Variants in GBF1 observed in about 807,000 individuals in gnomAD.
The protein encoded by GBF1 is Golgi-specific brefeldin A-resistance guanine nucleotide exchange factor 1.
GBF1 carries 114 observed loss-of-function variants against 210.5 expected under a neutral mutation model. The observed-to-expected ratio is 0.54, with a 90% CI of 0.47 to 0.63. The LOEUF is 0.63. Ranked by LOEUF, GBF1 falls within the 30% of genes least tolerant of loss-of-function variation. GBF1 has a pLI of 0.00. For synonymous variants in GBF1, 850 were observed against 889.2 expected, an observed-to-expected ratio of 0.96 and a Z score of 0.78; for missense variants, 1,851 against 2,357.7, an observed-to-expected ratio of 0.79 and a Z score of 4.45.
intron 3 of GBF1, among the ~76,000 whole-genome samples, chr10:102,299,442 G>A (rs1399908754): frequency 1.3e-5 from 2 of 152,104 alleles, no homozygotes; most frequent in African/African-American, 4.8e-5. Context: ...TAGATAATAC[G>A]CTTCCCCAAG....
Position 102,367,464 on chromosome 10 carries a change from TG to T in GBF1, c.2560-12del. 1 of 1,566,904 alleles carries T rather than the reference TG, an allele frequency of 6.4e-7. No homozygotes were observed. Among genetic ancestry groups the T allele is most frequent in the Non-Finnish European group, 8.8e-7 (1 of 1,136,874 alleles). On this transcript the variant is annotated splice_polypyrimidine_tract_variant and intron_variant, in intron 20 of 39. Transcript: ENST00000369983. ...GTTGACACAAGGGGAAAAAACTTAC[TG>T]GCCTGTCTCTAGGAGTTTCGCAAAA...
intron 3 of GBF1, among the ~76,000 whole-genome samples, chr10:102,313,738 C>G (rs1361069822): frequency 6.6e-6 from 1 of 152,150 alleles, no homozygotes; most frequent in Non-Finnish European, 1.5e-5. Context: ...ATCCTGTCCA[C>G]CTAACTAGTG....
chr10:102,377,109 A>G lies in GBF1; in HGVS notation c.4463A>G (p.Tyr1488Cys), dbSNP rs1171036930. The stretch of plus-strand genomic sequence containing the variant: ...GAGGACGAAGGCGTGCCTGCCAGCT[A>G]CCATACGGTGTCTTTACAGGTCAGT... ...DDEDEGVPAS[Y>C]HTVSLQVSQD... Residue 1488 changes from tyrosine (Y) to cysteine (C), a missense_variant, in exon 33 of 40, where the codon TAC (tyrosine) becomes TGC (cysteine). By Grantham distance (194) the Tyr-to-Cys change is radical (BLOSUM62 -2). Transcript: ENST00000369983. 4 of 1,613,948 alleles carry G rather than the reference A, an allele frequency of 2.5e-6. No homozygotes were observed. Among genetic ancestry groups the G allele is most frequent in the East Asian group, 4.5e-5 (2 of 44,870 alleles).
In GBF1 at chr10:102,371,547, G is replaced by T. The variant is rs568516460; in HGVS notation, c.3660+687G>T. Among the ~76,000 whole-genome samples the T allele has an allele frequency of 4.6e-5, 7 of 152,282 alleles. No homozygotes were observed. The East Asian group carries it at 7.7e-4, about 17-fold the overall frequency. ...TAACTCCTATAAAAATCCCAGAAAG[G>T]TTCTTGTAGACATAGGTAAGCTTAT... On this transcript the variant is annotated intron_variant, in intron 29 of 39. Coordinates refer to ENST00000369983, the MANE Select transcript of GBF1 (RefSeq NM_001377137.1).
intron 3 of GBF1, among the ~76,000 whole-genome samples, chr10:102,270,241 C>G (rs1274536121): frequency 1.3e-5 from 2 of 151,584 alleles, no homozygotes; most frequent in Non-Finnish European, 2.9e-5. Context: ...GCAATCTTGG[C>G]TCACTGCAAC....
chr10:102,376,818 G>A lies in GBF1; in HGVS notation c.4288+18G>A. ...GAATGGCGGTGGGTCAGCTGATGAG[G>A]GGGCAGCTGGGGAGTAGCCATGCAA... On this transcript the variant is annotated intron_variant, in intron 32 of 39. Transcript: ENST00000369983. 1 of 1,608,860 alleles carries A rather than the reference G, an allele frequency of 6.2e-7. No homozygotes were observed. Among genetic ancestry groups the A allele is most frequent in the East Asian group, 2.2e-5 (1 of 44,854 alleles).
chr10:102,348,636 G>A (rs2058737621), intron 4 of GBF1, among the ~76,000 whole-genome samples: 1 of 152,192 alleles, frequency 6.6e-6, no homozygotes, highest in Non-Finnish European at 1.5e-5. Context: ...ACGTGGAGAG[G>A]TGGTGTGATA....
chr10:102,344,126 C>T lies in GBF1; in HGVS notation c.239C>T (p.Pro80Leu). Residue 80 changes from proline (P) to leucine (L), a missense_variant, in exon 4 of 40, where the codon CCT becomes CTT. Transcript: ENST00000369983. ...ATTCGCTCTGAAGATACCACTGGCCCTATCACTGGACTGGCACTCACCTCT... is the reference window on the plus strand; with the variant it reads ...ATTCGCTCTGAAGATACCACTGGCCTTATCACTGGACTGGCACTCACCTCT... ...EVIRSEDTTG[P>L]ITGLALTSVN... is the part of the protein sequence containing the mutation. The T allele has an allele frequency of 6.2e-7, 1 of 1,612,414 alleles. No individual in the cohort carries two copies. Among genetic ancestry groups the T allele is most frequent in the Non-Finnish European group, 8.5e-7 (1 of 1,178,432 alleles).
At chr10:102,327,043 A>G (rs577607448) in intron 3 of GBF1, among the ~76,000 whole-genome samples, 29 of 152,294 alleles carry the variant, frequency 1.9e-4, no homozygotes. Flanking sequence ...CACAGCATAT[A>G]CACTATTATG....
intron 3 of GBF1, among the ~76,000 whole-genome samples, chr10:102,288,733 AAAC>A (rs1589500470): frequency 6.8e-6 from 1 of 146,068 alleles, no homozygotes; most frequent in Non-Finnish European, 1.5e-5. Context: ...AAAAAAAAAA[AAAC>A]AAAAAAAAAA....
At chr10:102,250,763 C>G (rs2071411260) in intron 1 of GBF1, among the ~76,000 whole-genome samples, 1 of 152,008 alleles carries the variant, frequency 6.6e-6, no homozygotes, top group East Asian at 1.9e-4. Context: ...TAAAGGCCAG[C>G]CTGGCCAACA....
chr10:102,367,901 T>C (rs1589801019), intron 21 of GBF1, among the ~76,000 whole-genome samples: 1 of 152,158 alleles, frequency 6.6e-6, no homozygotes, highest in South Asian at 2.1e-4. Flanking sequence ...GAGGCCCAGG[T>C]TACAGGTCAG....
chr10:102,274,574 A>G (rs2074745277), intron 3 of GBF1, among the ~76,000 whole-genome samples: 1 of 152,010 alleles, frequency 6.6e-6, no homozygotes, highest in African/African-American at 2.4e-5. Flanking sequence ...CAGTTGAACC[A>G]TAGGATAAGT....
chr10:102,350,337 G>A (rs1367500495), intron 4 of GBF1, among the ~76,000 whole-genome samples: 4 of 147,762 alleles, frequency 2.7e-5, no homozygotes, highest in African/African-American at 1.0e-4. Flanking sequence ...CAACAAGAGC[G>A]AAACTCCATC....
chr10:102,363,253 C>G lies in GBF1; in HGVS notation c.1877-3C>G, dbSNP rs774394101. The G allele has an allele frequency of 1.9e-6, 3 of 1,610,052 alleles. No individual in the cohort carries two copies. ...CTTCACGTATCTTCTTCTCTCTTAC[C>G]AGCTGAGAGAACTGCCAGCGATGGG... On this transcript the variant is annotated splice_region_variant and splice_polypyrimidine_tract_variant and intron_variant, in intron 15 of 39. Coordinates refer to ENST00000369983, the MANE Select transcript of GBF1 (RefSeq NM_001377137.1). This position sits in a 1 kb window ranked among gnomAD's most constrained non-coding sequence, Gnocchi z 4.2.
Position 102,361,275 on chromosome 10 carries a change from G to A in GBF1, c.1491+155G>A, listed in dbSNP as rs912378689. 4.1e-5 allele frequency: 25 copies of A among 604,362 alleles called. No homozygotes were observed. The African/African-American group carries it at 4.3e-4, about 10-fold the overall frequency. 37.4% of individuals were successfully genotyped at this position (604,362 alleles called of 1,614,324 possible). A position where few individuals can be genotyped will look rare whatever the true frequency, so the allele number is the denominator to read the frequency against. Reference sequence around the variant, plus strand: ...CTCCAGAGTTCGGTTCAATCAACTGGCCTCTTTTGTGGAAAAGTTAAAAGG... The same window carrying A: ...CTCCAGAGTTCGGTTCAATCAACTGACCTCTTTTGTGGAAAAGTTAAAAGG... On this transcript the variant is annotated intron_variant, in intron 13 of 39. Coordinates refer to ENST00000369983, the MANE Select transcript of GBF1 (RefSeq NM_001377137.1).
intron 3 of GBF1, among the ~76,000 whole-genome samples, chr10:102,290,249 G>A (rs2485376): frequency 0.33 from 49,742 of 151,684 alleles, 8,812 homozygotes; most frequent in South Asian, 0.48. Context: ...TATTTTTATA[G>A]GCACTATAGA....
At chr10:102,246,586 T>C (rs1026128822) in intron 1 of GBF1, among the ~76,000 whole-genome samples, 1 of 152,294 alleles carries the variant, frequency 6.6e-6, no homozygotes, top group Middle Eastern at 3.4e-3. Flanking sequence ...CTGGCAAAGT[T>C]TGGTATTGTC....
intron 3 of GBF1, among the ~76,000 whole-genome samples, chr10:102,328,231 G>T (rs2057050221): frequency 6.6e-6 from 1 of 152,242 alleles, no homozygotes; most frequent in South Asian, 2.1e-4. Flanking sequence ...AGTGGCTCAT[G>T]CCTATAATCC....
Sources: gnomAD v4.1 joint callset for allele counts (sites outside exome capture counted in the v4.1 genomes callset) on GRCh38, gnomAD v4.1.1 for gene constraint, Gnocchi (gnomAD v3.1) non-coding constraint, MANE v1.5 for transcripts, NCBI Gene and HGNC (gene_info 2026-07-23, HGNC 2026-07-21) for gene names.